PAPPA: variants seen among roughly 807,000 people sequenced by gnomAD.
The protein encoded by PAPPA is pappalysin-1.
In PAPPA, 60 loss-of-function variants were observed where a neutral mutation model predicts 164.0. That is an observed-to-expected ratio of 0.37 (90% CI 0.30 to 0.45). The LOEUF (loss-of-function observed/expected upper bound fraction) is 0.45. Among genes scored for constraint, PAPPA ranks in the 20% least tolerant of loss-of-function variants. The pLI, the probability that PAPPA is intolerant of heterozygous loss-of-function variation, is 1.00. For missense variants in PAPPA, 1,782 were observed against 2,087.3 expected (o/e 0.85, Z 2.85); for synonymous variants, 875 against 814.1 (o/e 1.07, Z -1.27).
chr9:116,285,171 C>CTTTTTTTTTTTTTTTTTTTTTTTTTTCT, intron 9 of PAPPA, among the ~76,000 whole-genome samples: 1 of 89,494 alleles, frequency 1.1e-5, no homozygotes, highest in Non-Finnish European at 2.0e-5. Flanking sequence ...TTCTTTCTTT[C>CTTTTTTTTTTTTTTTTTTTTTTTTTTCT]TTTTTTTTTT....
At chr9:116,218,509 TG>T (rs1178118961) in intron 4 of PAPPA, among the ~76,000 whole-genome samples, 3 of 152,166 alleles carry the variant, frequency 2.0e-5, no homozygotes, top group Non-Finnish European at 4.4e-5. Flanking sequence ...TGCATTGCCC[TG>T]TCCCTAGGGC....
chr9:116,266,138 C>T (rs1845065870), intron 8 of PAPPA, among the ~76,000 whole-genome samples, 153 bp downstream of exon 8: 1 of 152,210 alleles, frequency 6.6e-6, no homozygotes, highest in Non-Finnish European at 1.5e-5. Flanking sequence ...GGTCTCCAAA[C>T]AATTTGCTGA....
intron 20 of PAPPA, among the ~76,000 whole-genome samples, chr9:116,379,318 CAG>C (rs1223081569): frequency 6.6e-6 from 1 of 152,170 alleles, no homozygotes; most frequent in Admixed American, 6.5e-5. Flanking sequence ...CTTGAATATC[CAG>C]AGGTATCCAA....
chr9:116,272,565 C>G (rs543907572), intron 9 of PAPPA, among the ~76,000 whole-genome samples: 1 of 152,300 alleles, frequency 6.6e-6, no homozygotes, highest in Admixed American at 6.5e-5. Context: ...TGTTGAGCAC[C>G]TACTATCTTC....
chr9:116,207,486 C>T lies in PAPPA; in HGVS notation c.1509C>T (p.Asn503=), dbSNP rs556561313. Residue 503 remains asparagine (N), a synonymous_variant, in exon 3 of 22, where the codon AAC becomes AAT. Transcript: ENST00000328252. The stretch of plus-strand genomic sequence containing the variant: ...ACTTGGATGTTAATGAGCTGAAGAA[C>T]ATTCTTAAATTGGATGGATCAACAC... ...RAYLDVNELK[N]ILKLDGSTHL... 1 of 1,612,280 alleles carries T rather than the reference C, an allele frequency of 6.2e-7. No homozygotes were observed.
chr9:116,259,506 T>A (rs1844976236), intron 7 of PAPPA, among the ~76,000 whole-genome samples: 1 of 152,176 alleles, frequency 6.6e-6, no homozygotes. Context: ...ACAATATGCA[T>A]GACTAGAAAC....
At chr9:116,194,832 T>TA (rs1286027469) in intron 2 of PAPPA, among the ~76,000 whole-genome samples, 2 of 152,132 alleles carry the variant, frequency 1.3e-5, no homozygotes. Flanking sequence ...TACAGGCTCA[T>TA]AAAAAAAGGC....
intron 9 of PAPPA, among the ~76,000 whole-genome samples, chr9:116,299,303 G>A (rs900723517): frequency 5.9e-5 from 9 of 151,638 alleles, no homozygotes; most frequent in Admixed American, 5.3e-4. Context: ...CTTCCTCTAC[G>A]TATCTATATA....
intron 1 of PAPPA, among the ~76,000 whole-genome samples, chr9:116,156,430 A>G (rs1275547035): frequency 6.6e-6 from 1 of 151,140 alleles, no homozygotes; most frequent in Admixed American, 6.6e-5. Context: ...GCCTCTCTTC[A>G]CACACATTCT....
intron 10 of PAPPA, among the ~76,000 whole-genome samples, chr9:116,330,437 T>C: frequency 6.6e-6 from 1 of 152,346 alleles, no homozygotes; most frequent in South Asian, 2.1e-4. Flanking sequence ...AAGCAATAGT[T>C]ACTCAATAAA....
chr9:116,255,280 T>A (rs1001434262), intron 7 of PAPPA, among the ~76,000 whole-genome samples: 1 of 152,060 alleles, frequency 6.6e-6, no homozygotes, highest in African/African-American at 2.4e-5. Context: ...AAATCTTGTT[T>A]TATAATTGTT....
At chr9:116,337,336 C>T (rs1359771268) in intron 13 of PAPPA, among the ~76,000 whole-genome samples, 3 of 152,148 alleles carry the variant, frequency 2.0e-5, no homozygotes, top group African/African-American at 7.2e-5. Context: ...AGGACAGCAG[C>T]TGTTCATGGG....
intron 21 of PAPPA, among the ~76,000 whole-genome samples, chr9:116,395,981 C>T (rs1324071596): frequency 1.3e-5 from 2 of 152,178 alleles, no homozygotes; most frequent in Non-Finnish European, 2.9e-5. Flanking sequence ...TATTAATCAA[C>T]TTTGCTACAG....
At chr9:116,167,473 G>A (rs1843730607) in intron 1 of PAPPA, among the ~76,000 whole-genome samples, 1 of 152,168 alleles carries the variant, frequency 6.6e-6, no homozygotes, top group Non-Finnish European at 1.5e-5. Flanking sequence ...GACCAATTGT[G>A]CACTTATTTC....
At chr9:116,329,358 T>C (rs1338521118) in intron 10 of PAPPA, among the ~76,000 whole-genome samples, 3 of 152,190 alleles carry the variant, frequency 2.0e-5, no homozygotes, top group Non-Finnish European at 4.4e-5. Flanking sequence ...TTTTTTTTAA[T>C]TTATAAAATT....
chr9:116,210,719 C>T (rs1844295951), intron 3 of PAPPA, among the ~76,000 whole-genome samples: 1 of 152,142 alleles, frequency 6.6e-6, no homozygotes, highest in South Asian at 2.1e-4. Flanking sequence ...TAGACCATTG[C>T]TTCTCAAACC....
chr9:116,278,752 T>C (rs1299910187), intron 9 of PAPPA, among the ~76,000 whole-genome samples: 2 of 152,162 alleles, frequency 1.3e-5, no homozygotes, highest in African/African-American at 2.4e-5. Context: ...TTGGTTGCAA[T>C]TACTACATGG....
At chr9:116,268,104 A>C (rs368907227) in intron 8 of PAPPA, among the ~76,000 whole-genome samples, 6 of 152,176 alleles carry the variant, frequency 3.9e-5, no homozygotes, top group African/African-American at 1.4e-4. Flanking sequence ...TTAAGATTGA[A>C]GAGATTAGTG....
chr9:116,195,789 A>G (rs1844097033), intron 2 of PAPPA, among the ~76,000 whole-genome samples: 1 of 152,206 alleles, frequency 6.6e-6, no homozygotes, highest in Non-Finnish European at 1.5e-5. Context: ...CCCCCTCACT[A>G]CAATCTCAGT....
Sources: allele counts gnomAD v4.1 joint callset (sites outside exome capture counted in the v4.1 genomes callset), GRCh38; gene constraint gnomAD v4.1.1; transcripts MANE v1.5; gene names NCBI Gene and HGNC (gene_info 2026-07-23, HGNC 2026-07-21).